IQCM: variants seen among roughly 807,000 people sequenced by gnomAD.
IQCM encodes IQ motif containing M, also known as IQ domain-containing protein M.
Under a neutral mutation model 57.6 loss-of-function variants are expected in IQCM, and 45 were observed. That is an observed-to-expected ratio of 0.78 (90% CI 0.62 to 1.00). IQCM has a LOEUF of 1.00. IQCM is among the 50% of genes least tolerant of loss of function. The pLI, the probability that IQCM is intolerant of heterozygous loss-of-function variation, is 0.00. For synonymous variants in IQCM, 148 were observed against 158.9 expected (o/e 0.93, Z 0.51); for missense variants, 468 against 511.6 (o/e 0.91, Z 0.82).
At chr4:149,511,074 A>G (rs893841052) in intron 12 of IQCM, among the ~76,000 whole-genome samples, 2 of 152,168 alleles carry the variant, frequency 1.3e-5, no homozygotes, top group African/African-American at 4.8e-5. Flanking sequence ...ATGACCCCTA[A>G]GTTAAGTCCA....
At chr4:149,431,544 T>C (rs1258326156) in intron 13 of IQCM, among the ~76,000 whole-genome samples, 1 of 152,006 alleles carries the variant, frequency 6.6e-6, no homozygotes, top group Non-Finnish European at 1.5e-5. Context: ...ATTCTATGGG[T>C]TTTGACTTAT....
chr4:149,776,410 T>C (rs1314518624), intron 2 of IQCM, among the ~76,000 whole-genome samples: 1 of 152,178 alleles, frequency 6.6e-6, no homozygotes, highest in Non-Finnish European at 1.5e-5. Context: ...TTAGGTTCAA[T>C]GCTTGAACTT....
chr4:149,562,200 A>C (rs1008829921), intron 10 of IQCM, among the ~76,000 whole-genome samples: 1 of 152,206 alleles, frequency 6.6e-6, no homozygotes, highest in Non-Finnish European at 1.5e-5. Context: ...ATAATAGTGG[A>C]ATTTTTCAAA....
intron 13 of IQCM, among the ~76,000 whole-genome samples, chr4:149,359,363 A>T (rs1238261538): frequency 6.6e-6 from 1 of 152,190 alleles, no homozygotes; most frequent in East Asian, 1.9e-4. Flanking sequence ...CAAAATATTA[A>T]TGATGAGTTT....
intron 13 of IQCM, among the ~76,000 whole-genome samples, chr4:149,405,531 A>T (rs1252583653): frequency 6.6e-6 from 1 of 151,890 alleles, no homozygotes; most frequent in Non-Finnish European, 1.5e-5. Flanking sequence ...CACATTGTGC[A>T]CATGTACCCT....
intron 12 of IQCM, among the ~76,000 whole-genome samples, chr4:149,463,770 G>C (rs942292501): frequency 2.0e-5 from 3 of 151,888 alleles, no homozygotes; most frequent in Non-Finnish European, 4.4e-5. Context: ...AAGCAAATAT[G>C]GTATTTCAAA....
intron 12 of IQCM, among the ~76,000 whole-genome samples, chr4:149,466,755 T>A (rs1051708062): frequency 9.2e-5 from 14 of 152,208 alleles, no homozygotes; most frequent in African/African-American, 3.4e-4. Context: ...TACCTTGGAT[T>A]GGCTAATTTA....
intron 7 of IQCM, among the ~76,000 whole-genome samples, chr4:149,661,973 T>C (rs887240403): frequency 6.6e-6 from 1 of 152,054 alleles, no homozygotes; most frequent in Non-Finnish European, 1.5e-5. Flanking sequence ...TTTCCTCCCT[T>C]CTACCAATTT....
chr4:149,376,976 TTA>T (rs1185533964), intron 13 of IQCM, among the ~76,000 whole-genome samples: 1 of 152,116 alleles, frequency 6.6e-6, no homozygotes, highest in Non-Finnish European at 1.5e-5. Flanking sequence ...TCATACTGGG[TTA>T]TGTCAATCTC....
At chr4:149,479,124 G>A (rs568432829) in intron 12 of IQCM, among the ~76,000 whole-genome samples, 18 of 152,148 alleles carry the variant, frequency 1.2e-4, no homozygotes, top group Admixed American at 4.6e-4. Flanking sequence ...GACAAGTGTC[G>A]CAAGAAGAGA....
At chr4:149,524,810 A>G (rs1024456832) in intron 12 of IQCM, among the ~76,000 whole-genome samples, 2 of 151,790 alleles carry the variant, frequency 1.3e-5, no homozygotes, top group African/African-American at 2.4e-5. Context: ...GAAAAGAGAC[A>G]TAACCATCTG....
intron 7 of IQCM, among the ~76,000 whole-genome samples, chr4:149,630,782 A>G (rs1490401525): frequency 6.6e-6 from 1 of 152,204 alleles, no homozygotes; most frequent in Non-Finnish European, 1.5e-5. Flanking sequence ...TTCCTAAGAA[A>G]ATTATCTGAA....
intron 7 of IQCM, among the ~76,000 whole-genome samples, chr4:149,635,569 T>C (rs1017248406): frequency 9.2e-5 from 14 of 152,214 alleles, no homozygotes; most frequent in Non-Finnish European, 2.1e-4. Context: ...ATTTCAAAGT[T>C]TCCAATTTTA....
At chr4:149,474,553 CAAAAA>C (rs35089303) in intron 12 of IQCM, among the ~76,000 whole-genome samples, 1 of 126,786 alleles carries the variant, frequency 7.9e-6, no homozygotes, top group Admixed American at 8.0e-5. Flanking sequence ...ACTAAAAATA[CAAAAA>C]AAAAAAAAAA....
intron 2 of IQCM, among the ~76,000 whole-genome samples, chr4:149,805,333 T>G (rs935571252): frequency 4.6e-5 from 7 of 152,070 alleles, no homozygotes; most frequent in Admixed American, 1.3e-4. Context: ...AAAAGGTACA[T>G]GTTAAATAAA....
intron 12 of IQCM, among the ~76,000 whole-genome samples, chr4:149,456,657 T>C (rs1251613337): frequency 3.3e-5 from 5 of 152,028 alleles, no homozygotes. Flanking sequence ...AGATTTTGGA[T>C]TTTTTGGTGA....
intron 13 of IQCM, among the ~76,000 whole-genome samples, chr4:149,415,206 T>C (rs1733658538): frequency 6.6e-6 from 1 of 152,128 alleles, no homozygotes; most frequent in African/African-American, 2.4e-5. Flanking sequence ...AGTTTTCAGG[T>C]TACCTAGAAA....
At chr4:149,555,379 G>C (rs1397057628) in intron 10 of IQCM, among the ~76,000 whole-genome samples, 1 of 152,122 alleles carries the variant, frequency 6.6e-6, no homozygotes, top group Non-Finnish European at 1.5e-5. Context: ...GCACACACGT[G>C]AACTTCATCC....
intron 7 of IQCM, among the ~76,000 whole-genome samples, chr4:149,671,768 T>G (rs1006051280): frequency 6.6e-6 from 1 of 152,180 alleles, no homozygotes; most frequent in Non-Finnish European, 1.5e-5. Context: ...GTTGTTCAGT[T>G]TCCATGTAGT....
Sources: allele counts gnomAD v4.1 joint callset (sites outside exome capture counted in the v4.1 genomes callset), GRCh38; gene constraint gnomAD v4.1.1; transcripts MANE v1.5; gene names NCBI Gene and HGNC (gene_info 2026-07-23, HGNC 2026-07-21).